The following GABRG3 variants were observed in gnomAD, a reference collection of about 807,000 sequenced individuals.
GABRG3 encodes gamma-aminobutyric acid receptor subunit gamma-3.
GABRG3 carries 25 observed loss-of-function variants against 48.8 expected under a neutral mutation model. The ratio of observed to expected loss-of-function variants is 0.51; its 90% CI spans 0.37 to 0.72. The LOEUF (loss-of-function observed/expected upper bound fraction) is 0.72, where lower values mean the gene tolerates loss of function less well. Among genes scored for constraint, GABRG3 ranks in the 30% least tolerant of loss-of-function variants. The pLI, the probability that GABRG3 is intolerant of heterozygous loss-of-function variation, is 0.00. For synonymous variants in GABRG3, 227 were observed against 217.6 expected, an observed-to-expected ratio of 1.04 and a Z score of -0.38; for missense variants, 394 against 577.9, an observed-to-expected ratio of 0.68 and a Z score of 3.26.
chr15:27,179,191 T>C lies in GABRG3; in HGVS notation c.271-147618T>C, dbSNP rs1887842946. On this transcript the variant is annotated intron_variant, in intron 3 of 9. Transcript: ENST00000615808. The surrounding 1 kb of genome is among the most constrained non-coding windows in gnomAD (Gnocchi z 4.0). ...AATCCTCTTCAGAAATTCTAATCAA[T>C]GCCTGTATCAGAAATATTGCTTACT... Among the ~76,000 whole-genome samples the C allele has an allele frequency of 6.6e-6, 1 of 152,196 alleles. No homozygotes were observed. The highest frequency in any genetic ancestry group is 1.5e-5 in the Non-Finnish European group (1 of 68,034).
chr15:26,972,357 A>G (rs912861578), intron 1 of GABRG3, among the ~76,000 whole-genome samples: 1 of 152,228 alleles, frequency 6.6e-6, no homozygotes, highest in Non-Finnish European at 1.5e-5. Flanking sequence ...AAGAGGGCGC[A>G]TGAGGATACA....
chr15:27,233,002 A>G (rs988375194), intron 3 of GABRG3, among the ~76,000 whole-genome samples: 1 of 152,188 alleles, frequency 6.6e-6, no homozygotes, highest in Non-Finnish European at 1.5e-5. Context: ...TGTGGGCATC[A>G]GTCCAGCTGA....
intron 3 of GABRG3, among the ~76,000 whole-genome samples, chr15:27,174,674 G>A (rs1887689678): frequency 1.3e-5 from 2 of 150,600 alleles, no homozygotes; most frequent in African/African-American, 4.9e-5. Context: ...TGTTTTCAAT[G>A]CATTTTAATC....
At chr15:27,448,174 T>A (rs1460234433) in intron 5 of GABRG3, among the ~76,000 whole-genome samples, 2 of 152,164 alleles carry the variant, frequency 1.3e-5, no homozygotes, top group African/African-American at 4.8e-5. Flanking sequence ...TACCTGCATA[T>A]CTGAGAAAAC....
At chr15:27,317,025 C>G (rs1893254526) in intron 3 of GABRG3, among the ~76,000 whole-genome samples, 1 of 152,168 alleles carries the variant, frequency 6.6e-6, no homozygotes, top group Non-Finnish European at 1.5e-5. Flanking sequence ...TCATGGTTTG[C>G]ACTGCTTTGA....
intron 5 of GABRG3, among the ~76,000 whole-genome samples, chr15:27,333,638 C>T (rs1354984852): frequency 1.3e-5 from 2 of 152,126 alleles, no homozygotes; most frequent in African/African-American, 2.4e-5. Context: ...GACACAGTAG[C>T]AGGTTCTGGG....
chr15:27,228,023 G>T (rs1797876610), intron 3 of GABRG3, among the ~76,000 whole-genome samples: 1 of 152,150 alleles, frequency 6.6e-6, no homozygotes, highest in Non-Finnish European at 1.5e-5. Flanking sequence ...CACACTAAAT[G>T]TAAAATAAAT....
At chr15:27,324,544 C>T (rs1306694928) in intron 3 of GABRG3, among the ~76,000 whole-genome samples, 1 of 152,152 alleles carries the variant, frequency 6.6e-6, no homozygotes, top group Non-Finnish European at 1.5e-5. Flanking sequence ...GTAAAGTGGG[C>T]ATTGGATAAT....
At chr15:27,256,291 A>C (rs927307581) in intron 3 of GABRG3, among the ~76,000 whole-genome samples, 2 of 151,892 alleles carry the variant, frequency 1.3e-5, no homozygotes, top group Non-Finnish European at 2.9e-5. Flanking sequence ...AATACAAAAA[A>C]TTAGCCGGGT....
At chr15:27,086,288 C>G (rs995503987) in intron 3 of GABRG3, among the ~76,000 whole-genome samples, 6 of 152,120 alleles carry the variant, frequency 3.9e-5, no homozygotes, top group African/African-American at 1.4e-4. Flanking sequence ...CTGTGAGCAG[C>G]CTGCTCCTAC....
chr15:27,343,483 G>C lies in GABRG3; in HGVS notation c.574+14595G>C, dbSNP rs555526950. On this transcript the variant is annotated intron_variant, in intron 5 of 9. Coordinates refer to ENST00000615808, the MANE Select transcript of GABRG3 (RefSeq NM_033223.5). ...GCACCCAATCAATATTTTCAAAAAA[G>C]TTTGGCCTTGTTGATTTTGGAGGTT... Among the ~76,000 whole-genome samples the C allele has an allele frequency of 5.9e-5, 9 of 152,308 alleles. No individual in the cohort carries two copies. The South Asian group carries it at 1.9e-3, about 32-fold the overall frequency.
chr15:27,035,423 T>G (rs953626828), intron 3 of GABRG3, among the ~76,000 whole-genome samples: 1 of 152,220 alleles, frequency 6.6e-6, no homozygotes, highest in African/African-American at 2.4e-5. Context: ...GAATAGCTTC[T>G]TATTTTCCTT....
chr15:27,249,183 C>T (rs368488285), intron 3 of GABRG3, among the ~76,000 whole-genome samples: 21 of 152,298 alleles, frequency 1.4e-4, no homozygotes, highest in East Asian at 7.8e-4. Context: ...AGCTGCGTCC[C>T]GGCCACCCAG....
chr15:27,223,438 A>G (rs1889512375), intron 3 of GABRG3, among the ~76,000 whole-genome samples: 1 of 152,172 alleles, frequency 6.6e-6, no homozygotes, highest in Non-Finnish European at 1.5e-5. Context: ...CAGATGAGAC[A>G]AATGTAAGCT....
At position 27,367,659 on chromosome 15, in the gene GABRG3, T is replaced by C. The variant is rs28378136; in HGVS notation, c.574+38771T>C. Reference sequence around the variant, plus strand: ...GATACAAAGGGAGTATCTGTACATATTAAAGTGAAATTGAGTAGCATTGCA... The same window carrying C: ...GATACAAAGGGAGTATCTGTACATACTAAAGTGAAATTGAGTAGCATTGCA... On this transcript the variant is annotated intron_variant, in intron 5 of 9. Coordinates refer to ENST00000615808, the MANE Select transcript of GABRG3 (RefSeq NM_033223.5). Among the ~76,000 whole-genome samples the C allele has an allele frequency of 7.2e-3, 1,099 of 152,310 alleles. 38 individuals are homozygous for C. The highest frequency in any genetic ancestry group is 0.063 in the Admixed American group (967 of 15,296).
In GABRG3 at chr15:27,520,008, G is replaced by C. The variant is rs1225638516; in HGVS notation, c.749G>C (p.Ser250Thr). 3.2e-6 allele frequency: 5 copies of C among 1,577,950 alleles called. No individual in the cohort carries two copies. In the East Asian group the frequency reaches 9.0e-5, roughly 29 times the overall value. Residue 250 changes from serine to threonine, a missense_variant, in exon 7 of 10, where the codon AGT (serine) becomes ACT (threonine). Transcript: ENST00000615808. ...GTCATGACTATATATTTTGAATTGA[G>C]TAGAAGAATGGGATACTTCACCATT... Reference protein sequence around the residue: ...YVVMTIYFELSRRMGYFTIQT... With the variant: ...YVVMTIYFELTRRMGYFTIQT...
chr15:27,276,896 C>T (rs1377187784), intron 3 of GABRG3, among the ~76,000 whole-genome samples: 1 of 152,168 alleles, frequency 6.6e-6, no homozygotes, highest in Non-Finnish European at 1.5e-5. Flanking sequence ...GAGGGTAGTA[C>T]AAACACTTCT....
chr15:27,173,950 G>A (rs564822854), intron 3 of GABRG3, among the ~76,000 whole-genome samples: 1 of 152,148 alleles, frequency 6.6e-6, no homozygotes, highest in South Asian at 2.1e-4. Flanking sequence ...ATAAAACTCT[G>A]TTTACCTATC....
chr15:27,254,961 A>C (rs1551418), intron 3 of GABRG3, among the ~76,000 whole-genome samples: 100,274 of 151,750 alleles, frequency 0.66, 33,751 homozygotes, highest in Non-Finnish European at 0.7. Context: ...GGGAGGTGCA[A>C]CCACAGCCGG....
Sources: allele counts gnomAD v4.1 joint callset (sites outside exome capture counted in the v4.1 genomes callset), GRCh38; gene constraint gnomAD v4.1.1; non-coding constraint Gnocchi (gnomAD v3.1); transcripts MANE v1.5; gene names NCBI Gene and HGNC (gene_info 2026-07-23, HGNC 2026-07-21).